The following WDR25 variants were observed in gnomAD, a reference collection of about 807,000 sequenced individuals.
WDR25 encodes the protein WD repeat domain 25.
WDR25 carries 35 observed loss-of-function variants against 47.7 expected under a neutral mutation model. That is an observed-to-expected ratio of 0.73 (90% CI 0.56 to 0.97). The LOEUF (loss-of-function observed/expected upper bound fraction) is 0.97, where lower values mean the gene tolerates loss of function less well. WDR25 is among the 50% of genes least tolerant of loss of function. The pLI is 0.00. For synonymous variants in WDR25, 248 were observed against 278.9 expected (o/e 0.89, Z 1.10); for missense variants, 634 against 704.7 (o/e 0.90, Z 1.14).
chr14:100,525,769 C>T lies in WDR25; in HGVS notation c.1102-101C>T. 1 of 1,422,402 alleles carries T rather than the reference C, an allele frequency of 7.0e-7. No homozygotes were observed. The highest frequency in any genetic ancestry group is 1.3e-5 in the South Asian group (1 of 74,524). The allele number at this position is 1,422,402 out of a possible 1,614,324, so 88.1% of individuals were successfully genotyped here. On this transcript the variant is annotated intron_variant, in intron 4 of 6. Coordinates refer to ENST00000402312, the MANE Select transcript of WDR25 (RefSeq NM_001161476.3). The surrounding 1 kb of genome is among the most constrained non-coding windows in gnomAD (Gnocchi z 4.6). ...CTGGGTGTGTGTGGCCCAGCATAAA[C>T]TTCACTAAACCTGCCTGCCCCCTGG...
At chr14:100,516,523 G>A (rs956315347) in intron 4 of WDR25, among the ~76,000 whole-genome samples, 3 of 152,096 alleles carry the variant, frequency 2.0e-5, no homozygotes, top group South Asian at 2.1e-4. Flanking sequence ...ATCAGTTTTT[G>A]CTTCATGTAT....
At chr14:100,448,600 G>A (rs1413895552) in intron 2 of WDR25, among the ~76,000 whole-genome samples, 1 of 152,262 alleles carries the variant, frequency 6.6e-6, no homozygotes, top group Non-Finnish European at 1.5e-5. Flanking sequence ...AGGAGTGAGG[G>A]TCACTGCCAG....
Position 100,472,684 on chromosome 14 carries a change from G to A in WDR25, c.970+4516G>A, listed in dbSNP as rs570281765. Among the ~76,000 whole-genome samples the A allele has an allele frequency of 2.4e-4, 36 of 152,358 alleles. No homozygotes were observed. The South Asian group carries it at 2.9e-3, about 12-fold the overall frequency. On this transcript the variant is annotated intron_variant, in intron 3 of 6. Transcript: ENST00000402312. The stretch of plus-strand genomic sequence containing the variant: ...TACAGATGTGCTGTTGGTCCCCTGC[G>A]TGGGTCTTGGGGGCAGACTGGGAGG...
rs1327442609 is a variant in WDR25 at position 100,514,732 on chromosome 14, G to A, written c.1102-11138G>A. On this transcript the variant is annotated intron_variant, in intron 4 of 6. Transcript: ENST00000402312. ...ATTGTTATTATTTTTGCTGGAAGTA[G>A]CCAATAATTTTAAAAATATTTTAAT... is the stretch of plus-strand genomic sequence containing the variant. Among the ~76,000 whole-genome samples, 4 of 151,894 alleles carry A rather than the reference G, an allele frequency of 2.6e-5. No homozygotes were observed. The East Asian group carries it at 7.7e-4, about 29-fold the overall frequency.
intron 4 of WDR25, among the ~76,000 whole-genome samples, chr14:100,493,384 C>T (rs1900627012): frequency 6.6e-6 from 1 of 152,192 alleles, no homozygotes; most frequent in Non-Finnish European, 1.5e-5. Context: ...TTGTAACTGG[C>T]TTCTTTCGCT....
intron 4 of WDR25, among the ~76,000 whole-genome samples, chr14:100,497,299 T>C (rs75914537): frequency 0.02 from 2,970 of 152,244 alleles, 102 homozygotes; most frequent in African/African-American, 0.067. Context: ...AATCTACTTG[T>C]TCTTTCAGTG....
At chr14:100,480,106 C>T (rs990042153) in intron 3 of WDR25, among the ~76,000 whole-genome samples, 2 of 152,208 alleles carry the variant, frequency 1.3e-5, no homozygotes, top group African/African-American at 2.4e-5. Context: ...CAAGCATTGT[C>T]CATCTTGCCA....
chr14:100,472,835 C>T lies in WDR25; in HGVS notation c.970+4667C>T, dbSNP rs553950373. Among the ~76,000 whole-genome samples the T allele has an allele frequency of 2.6e-5, 4 of 152,356 alleles. No individual in the cohort carries two copies. In the South Asian group the frequency reaches 8.3e-4, roughly 32 times the overall value. ...TATACAGACCCCCAGCCTGCCCGGC[C>T]TGACCCTCTCCAGAGCCCCAGGCAC... On this transcript the variant is annotated intron_variant, in intron 3 of 6. Transcript: ENST00000402312.
chr14:100,410,780 GA>G (rs1180430941), intron 2 of WDR25, among the ~76,000 whole-genome samples: 2 of 150,340 alleles, frequency 1.3e-5, no homozygotes, highest in Admixed American at 6.6e-5. Context: ...AGTTTAAGCA[GA>G]TTTTTTTTTT....
At chr14:100,467,935 C>A in intron 2 of WDR25, 86 bp from the exon 3 acceptor site, 1 of 1,537,436 alleles carries the variant, frequency 6.5e-7, no homozygotes. Context: ...CCACCGAGAC[C>A]TTTTTCTTTC....
At chr14:100,520,095 GTATA>G (rs35178382) in intron 4 of WDR25, among the ~76,000 whole-genome samples, 1 of 144,768 alleles carries the variant, frequency 6.9e-6, no homozygotes. Flanking sequence ...TATATATAGT[GTATA>G]TATATATATA....
chr14:100,465,376 C>T (rs1209109211), intron 2 of WDR25, among the ~76,000 whole-genome samples: 1 of 152,200 alleles, frequency 6.6e-6, no homozygotes, highest in Non-Finnish European at 1.5e-5. Flanking sequence ...CCTCCCCCAG[C>T]CCTGGCCACC....
At chr14:100,478,982 C>T (rs570799659) in intron 3 of WDR25, among the ~76,000 whole-genome samples, 43 of 152,168 alleles carry the variant, frequency 2.8e-4, no homozygotes, top group African/African-American at 9.4e-4. Context: ...GCAATGAATT[C>T]CAAGTGAGCA....
rs1235676410 is a variant in WDR25, at chr14:100,392,766, C to G, written c.822+11020C>G. On this transcript the variant is annotated intron_variant, in intron 2 of 6. Coordinates refer to ENST00000402312, the MANE Select transcript of WDR25 (RefSeq NM_001161476.3). The surrounding 1 kb of genome is among the most constrained non-coding windows in gnomAD (Gnocchi z 4.2). The stretch of plus-strand genomic sequence containing the variant: ...GATTAACTGTAATTTACTTAGCCGC[C>G]CTTGGACACTTAGGTGGTTTCTAAT... 6.6e-6 allele frequency among the ~76,000 whole-genome samples: 1 copy of G among 152,128 alleles called. No homozygotes were observed.
chr14:100,400,395 G>A (rs1329429256), intron 2 of WDR25, among the ~76,000 whole-genome samples: 1 of 152,182 alleles, frequency 6.6e-6, no homozygotes, highest in East Asian at 1.9e-4. Flanking sequence ...ACCTTTCCGG[G>A]TTTGACTCAG....
intron 2 of WDR25, among the ~76,000 whole-genome samples, chr14:100,453,242 G>A (rs2140270531): frequency 6.6e-6 from 1 of 152,300 alleles, no homozygotes; most frequent in East Asian, 1.9e-4. Context: ...GACCTTGAGG[G>A]GTATTGCAGG....
chr14:100,396,276 G>A (rs1431991417), intron 2 of WDR25, among the ~76,000 whole-genome samples: 2 of 152,140 alleles, frequency 1.3e-5, no homozygotes, highest in East Asian at 1.9e-4. Context: ...GCGCCCGGCC[G>A]AAATGTTTGT....
chr14:100,424,574 G>C lies in WDR25; in HGVS notation c.822+42828G>C, dbSNP rs527918264. On this transcript the variant is annotated intron_variant, in intron 2 of 6. Coordinates refer to ENST00000402312, the MANE Select transcript of WDR25 (RefSeq NM_001161476.3). This position sits in a 1 kb window ranked among gnomAD's most constrained non-coding sequence, Gnocchi z 4.2. Reference sequence around the variant, plus strand: ...GCTCAGCCAAGGGGTTTAACTGCCTGTGGAGTCTGGGGCCCAGGGCCCTGC... The same window carrying C: ...GCTCAGCCAAGGGGTTTAACTGCCTCTGGAGTCTGGGGCCCAGGGCCCTGC... Among the ~76,000 whole-genome samples the C allele has an allele frequency of 2.2e-4, 34 of 152,314 alleles. 1 individual carries two copies. The South Asian group carries it at 5.8e-3, about 26-fold the overall frequency.
chr14:100,377,300 T>TTGC (rs1356411347), intron 1 of WDR25, among the ~76,000 whole-genome samples: 2 of 151,448 alleles, frequency 1.3e-5, no homozygotes, highest in African/African-American at 4.9e-5. Context: ...GAAGTTGTTG[T>TTGC]TGTTGTTGTT....
Sources: gnomAD v4.1 joint callset for allele counts (sites outside exome capture counted in the v4.1 genomes callset) on GRCh38, gnomAD v4.1.1 for gene constraint, Gnocchi (gnomAD v3.1) non-coding constraint, MANE v1.5 for transcripts, NCBI Gene and HGNC (gene_info 2026-07-23, HGNC 2026-07-21) for gene names.